Variants in DUSP14 observed in about 807,000 individuals in gnomAD.
DUSP14 encodes the protein dual specificity phosphatase 14.
Under a neutral mutation model 13.2 loss-of-function variants are expected in DUSP14, and 5 were observed. The ratio of observed to expected loss-of-function variants is 0.38; its 90% CI spans 0.20 to 0.80. DUSP14 has a LOEUF of 0.80. Ranked by LOEUF, DUSP14 falls within the 30% of genes least tolerant of loss-of-function variation. The probability of loss-of-function intolerance (pLI) is 0.44; values close to 1 mark genes in which losing one functional copy is unlikely to be tolerated. For synonymous variants in DUSP14, 91 were observed against 103.4 expected (o/e 0.88, Z 0.73); for missense variants, 185 against 264.0 (o/e 0.70, Z 2.07).
intron 1 of DUSP14, among the ~76,000 whole-genome samples, chr17:37,507,867 C>T (rs1461211051): frequency 9.2e-5 from 14 of 152,194 alleles, no homozygotes; most frequent in Admixed American, 9.2e-4. Flanking sequence ...TTTATTACCA[C>T]AGTGACTTTG....
At chr17:37,507,403 C>T (rs544463421) in intron 1 of DUSP14, among the ~76,000 whole-genome samples, 15 of 152,326 alleles carry the variant, frequency 9.8e-5, no homozygotes, top group East Asian at 1.9e-4. Context: ...GGAATCAGCC[C>T]GGCTTCTACA....
chr17:37,512,333 G>A lies in DUSP14; in HGVS notation c.61G>A (p.Glu21Lys). 2 of 1,613,932 alleles carry A rather than the reference G, an allele frequency of 1.2e-6. No individual in the cohort carries two copies. The highest frequency in any genetic ancestry group is 1.3e-5 in the African/African-American group (1 of 75,000). ...TCTCATGGCCCCTCGGATGATTTCC[G>A]AGGGAGACATAGGAGGCATTGCTCA... Reference protein sequence around the residue: ...RTLMAPRMISEGDIGGIAQIT... With the variant: ...RTLMAPRMISKGDIGGIAQIT... The change falls in exon 3 of 3, where the codon GAG becomes AAG. Residue 21 changes from glutamate (E) to lysine (K), a missense_variant. Physicochemically the swap from Glu to Lys is moderately conservative, Grantham distance 56 (BLOSUM62 1). Coordinates refer to ENST00000617516, the MANE Select transcript of DUSP14 (RefSeq NM_007026.4). This position sits in a 1 kb window ranked among gnomAD's most constrained non-coding sequence, Gnocchi z 4.8.
intron 1 of DUSP14, among the ~76,000 whole-genome samples, chr17:37,492,733 G>A (rs189171533): frequency 5.9e-5 from 9 of 152,210 alleles, no homozygotes; most frequent in African/African-American, 1.9e-4. Context: ...AAAACAAATG[G>A]ATAATTTGAT....
At chr17:37,488,759 G>A (rs1200953261), upstream of DUSP14, among the ~76,000 whole-genome samples, 3 of 152,194 alleles carry the variant, frequency 2.0e-5, no homozygotes, top group Non-Finnish European at 4.4e-5. Flanking sequence ...GGATGACTCT[G>A]AAGCCGGTTG....
chr17:37,511,921 ACC>A (rs71135738), intron 2 of DUSP14, among the ~76,000 whole-genome samples: 12,458 of 49,730 alleles, frequency 0.25, 1,213 homozygotes, highest in Middle Eastern at 0.43. Context: ...ATGCCCAGCC[ACC>A]CCCCCCCCAC....
At chr17:37,507,208 G>T (rs2054143943) in intron 1 of DUSP14, among the ~76,000 whole-genome samples, 1 of 152,222 alleles carries the variant, frequency 6.6e-6, no homozygotes, top group African/African-American at 2.4e-5. Context: ...TCTGGCGGAA[G>T]TTGTTTTCCT....
chr17:37,492,836 A>G (rs1031221737), intron 1 of DUSP14, among the ~76,000 whole-genome samples: 1 of 152,162 alleles, frequency 6.6e-6, no homozygotes, highest in Admixed American at 6.5e-5. Flanking sequence ...CTAGCCAGAA[A>G]CTACCCTGAC....
At chr17:37,501,661 G>A (rs568218444) in intron 1 of DUSP14, among the ~76,000 whole-genome samples, 218 of 152,100 alleles carry the variant, frequency 1.4e-3, no homozygotes, top group African/African-American at 5.1e-3. Flanking sequence ...GATTACAGGC[G>A]CCCACCACCA....
At chr17:37,496,161 A>G (rs1310505598) in intron 1 of DUSP14, among the ~76,000 whole-genome samples, 2 of 152,236 alleles carry the variant, frequency 1.3e-5, no homozygotes, top group African/African-American at 4.8e-5. Flanking sequence ...ACTTCATGTC[A>G]TCATTATAAA....
At chr17:37,511,929 C>T (rs200844507) in intron 2 of DUSP14, among the ~76,000 whole-genome samples, 7 of 55,736 alleles carry the variant, frequency 1.3e-4, no homozygotes, top group South Asian at 5.7e-4. Context: ...CCACCCCCCC[C>T]CCACCCCACT....
rs759976146 is a variant in DUSP14 at position 37,512,132 on chromosome 17, T to C, written c.-92-49T>C. On this transcript the variant is annotated intron_variant, in intron 2 of 2. Coordinates refer to ENST00000617516, the MANE Select transcript of DUSP14 (RefSeq NM_007026.4). The surrounding 1 kb of genome is among the most constrained non-coding windows in gnomAD (Gnocchi z 4.8). Reference sequence around the variant, plus strand: ...ATTTGACAAATGTGACAGAAGGCTGTGATGAATCAGTAGCATTTAAAGTAC... The same window carrying C: ...ATTTGACAAATGTGACAGAAGGCTGCGATGAATCAGTAGCATTTAAAGTAC... The C allele has an allele frequency of 1.1e-5, 7 of 662,064 alleles. No homozygotes were observed. Among genetic ancestry groups the C allele is most frequent in the Non-Finnish European group, 1.8e-5 (7 of 389,426 alleles). 41.0% of individuals were successfully genotyped at this position (662,064 alleles called of 1,614,324 possible).
chr17:37,512,261 G>C lies in DUSP14; in HGVS notation c.-12G>C, dbSNP rs550372659. The C allele has an allele frequency of 6.3e-7, 1 of 1,582,660 alleles. No homozygotes were observed. Among genetic ancestry groups the C allele is most frequent in the Admixed American group, 1.8e-5 (1 of 56,924 alleles). ...TGCCGCCAACGATGCAAGTGTGACT[G>C]CTGGCGTCTTCATGAGCTCCAGAGG... On this transcript the variant is annotated 5_prime_UTR_variant, in exon 3 of 3. Coordinates refer to ENST00000617516, the MANE Select transcript of DUSP14 (RefSeq NM_007026.4). This position sits in a 1 kb window ranked among gnomAD's most constrained non-coding sequence, Gnocchi z 4.8.
At chr17:37,490,097 G>T (rs1162381418) in intron 1 of DUSP14, 139 bp downstream of exon 1, 1 of 151,678 alleles carries the variant, frequency 6.6e-6, no homozygotes, top group African/African-American at 2.4e-5. Flanking sequence ...GAAACTTTGT[G>T]CCGGCGCCCC....
At chr17:37,504,684 C>G (rs2054126428) in intron 1 of DUSP14, among the ~76,000 whole-genome samples, 1 of 151,506 alleles carries the variant, frequency 6.6e-6, no homozygotes, top group African/African-American at 2.4e-5. Flanking sequence ...CTCAAGTGAC[C>G]TCCTCATCTC....
At position 37,512,522 on chromosome 17, in the gene DUSP14, G is replaced by A; in HGVS notation, c.250G>A (p.Ala84Thr). Residue 84 changes from alanine (A) to threonine (T), a missense_variant, in exon 3 of 3, where the codon GCC (alanine) becomes ACC (threonine). By Grantham distance (58) the Ala-to-Thr change is moderately conservative (BLOSUM62 0). Transcript: ENST00000617516. This position sits in a 1 kb window ranked among gnomAD's most constrained non-coding sequence, Gnocchi z 4.8. ...VKVPLADMPH[A>T]PIGLYFDTVA... is the part of the protein sequence containing the mutation. Reference sequence around the variant, plus strand: ...AGTGCCTCTGGCTGACATGCCGCATGCCCCCATTGGACTGTACTTTGACAC... The same window carrying A: ...AGTGCCTCTGGCTGACATGCCGCATACCCCCATTGGACTGTACTTTGACAC... 1 of 1,614,172 alleles carries A rather than the reference G, an allele frequency of 6.2e-7. No individual in the cohort carries two copies. The highest frequency in any genetic ancestry group is 8.5e-7 in the Non-Finnish European group (1 of 1,180,038).
At chr17:37,507,000 A>G (rs1199536559) in intron 1 of DUSP14, among the ~76,000 whole-genome samples, 2 of 152,226 alleles carry the variant, frequency 1.3e-5, no homozygotes, top group Non-Finnish European at 2.9e-5. Context: ...TGATGAGAAC[A>G]CAGCCACGAT....
chr17:37,512,454 T>C lies in DUSP14; in HGVS notation c.182T>C (p.Ile61Thr), dbSNP rs375051866. The stretch of plus-strand genomic sequence containing the variant: ...ATCACCTGCATTGTTAATGCTACCA[T>C]TGAGATCCCTAATTTCAACTGGCCC... ...RGITCIVNAT[I>T]EIPNFNWPQF... is the part of the protein sequence containing the mutation. The change falls in exon 3 of 3, where the codon ATT (isoleucine) becomes ACT (threonine). Residue 61 changes from isoleucine (I) to threonine (T), a missense_variant. Ile to Thr is a moderately conservative substitution (Grantham distance 89, BLOSUM62 -1). Coordinates refer to ENST00000617516, the MANE Select transcript of DUSP14 (RefSeq NM_007026.4). This position sits in a 1 kb window ranked among gnomAD's most constrained non-coding sequence, Gnocchi z 4.8. 3.8e-5 allele frequency: 61 copies of C among 1,614,068 alleles called. No homozygotes were observed. The highest frequency in any genetic ancestry group is 1.2e-4 in the Admixed American group (7 of 59,996).
intron 1 of DUSP14, among the ~76,000 whole-genome samples, chr17:37,494,447 A>G (rs1349688521): frequency 1.3e-5 from 2 of 152,160 alleles, no homozygotes; most frequent in Non-Finnish European, 2.9e-5. Flanking sequence ...GCTGGGCTCA[A>G]GGGATCCTCC....
chr17:37,503,943 C>T (rs2054121238), intron 1 of DUSP14, among the ~76,000 whole-genome samples: 1 of 152,154 alleles, frequency 6.6e-6, no homozygotes, highest in African/African-American at 2.4e-5. Flanking sequence ...GTAATCCCAG[C>T]AGCACTTTGA....
Sources: allele counts gnomAD v4.1 joint callset (sites outside exome capture counted in the v4.1 genomes callset), GRCh38; gene constraint gnomAD v4.1.1; non-coding constraint Gnocchi (gnomAD v3.1); transcripts MANE v1.5; gene names NCBI Gene and HGNC (gene_info 2026-07-23, HGNC 2026-07-21).